The following PDE6C variants were observed in gnomAD, a reference collection of about 807,000 sequenced individuals.
PDE6C encodes cone cGMP-specific 3',5'-cyclic phosphodiesterase subunit alpha'.
In PDE6C, 75 loss-of-function variants were observed where a neutral mutation model predicts 113.1. The observed-to-expected ratio is 0.66, with a 90% CI of 0.55 to 0.80. PDE6C has a LOEUF of 0.80. PDE6C is among the 30% of genes least tolerant of loss of function. The probability of loss-of-function intolerance (pLI) is 0.00; values close to 1 mark genes in which losing one functional copy is unlikely to be tolerated. For synonymous variants in PDE6C, 375 were observed against 363.7 expected, an observed-to-expected ratio of 1.03 and a Z score of -0.35; for missense variants, 912 against 1,038.6, an observed-to-expected ratio of 0.88 and a Z score of 1.67.
chr10:93,663,247 C>T (rs1564807026), intron 21 of PDE6C, 69 bp downstream of exon 21: 2 of 1,471,846 alleles, frequency 1.4e-6, no homozygotes, highest in African/African-American at 1.4e-5. Context: ...TGGCATGTGA[C>T]AAAGCCATAA....
intron 11 of PDE6C, among the ~76,000 whole-genome samples, chr10:93,638,190 G>C (rs756899023): frequency 6.6e-6 from 1 of 152,062 alleles, no homozygotes; most frequent in Non-Finnish European, 1.5e-5. Context: ...ATCTCTTTCC[G>C]ATCTGTGATG....
rs753107766 is a variant in PDE6C at position 93,620,851 on chromosome 10, G to T, written c.634-40G>T. The T allele has an allele frequency of 4.3e-6, 7 of 1,613,144 alleles. No individual in the cohort carries two copies. The Admixed American group carries it at 1.2e-4, about 27-fold the overall frequency. On this transcript the variant is annotated intron_variant, in intron 2 of 21. Coordinates refer to ENST00000371447, the MANE Select transcript of PDE6C (RefSeq NM_006204.4). ...TTATTTGTTGTATAACCAAAGAAAA[G>T]ATGTCACAACCATAACTTGTTATTC... is the stretch of plus-strand genomic sequence containing the variant.
intron 8 of PDE6C, among the ~76,000 whole-genome samples, chr10:93,633,458 C>G (rs974076114): frequency 2.4e-4 from 26 of 108,016 alleles, no homozygotes; most frequent in Non-Finnish European, 2.2e-4. Flanking sequence ...ACAGTGAGAC[C>G]CTGTCTCAAA....
chr10:93,646,810 T>C lies in PDE6C; in HGVS notation c.1935+763T>C, dbSNP rs554703218. On this transcript the variant is annotated intron_variant, in intron 15 of 21. Transcript: ENST00000371447. ...CTCCCACCAGGACCCACTTCCAACA[T>C]TGGGGATTACAACTGAACATGGGGT... is the stretch of plus-strand genomic sequence containing the variant. 3.9e-5 allele frequency among the ~76,000 whole-genome samples: 6 copies of C among 152,174 alleles called. No individual in the cohort carries two copies. The East Asian group carries it at 5.8e-4, about 15-fold the overall frequency.
intron 16 of PDE6C, among the ~76,000 whole-genome samples, chr10:93,658,238 TACC>T (rs1324945260): frequency 2.8e-5 from 3 of 108,066 alleles, no homozygotes; most frequent in East Asian, 2.7e-4. Flanking sequence ...AAAAGAAAAA[TACC>T]ACATCTGAAG....
In PDE6C at chr10:93,635,488, C is replaced by T. The variant is rs11187564; in HGVS notation, c.1270-9C>T. On this transcript the variant is annotated splice_polypyrimidine_tract_variant and intron_variant, in intron 9 of 21. Coordinates refer to ENST00000371447, the MANE Select transcript of PDE6C (RefSeq NM_006204.4). ...GAAGAGAATTAGAATCACCTTTTATCCATTTCAGACTCTCACACAATTTCT... is the reference window on the plus strand; with the variant it reads ...GAAGAGAATTAGAATCACCTTTTATTCATTTCAGACTCTCACACAATTTCT... 108,094 of 1,606,120 alleles carry T rather than the reference C, an allele frequency of 0.067. 3,952 individuals carry two copies. Among genetic ancestry groups the T allele is most frequent in the Non-Finnish European group, 0.072 (84,681 of 1,172,878 alleles).
intron 15 of PDE6C, among the ~76,000 whole-genome samples, chr10:93,653,837 A>G (rs2133873884): frequency 6.6e-6 from 1 of 152,270 alleles, no homozygotes; most frequent in Admixed American, 6.5e-5. Context: ...TTTCCCTTCT[A>G]TTACTTATAT....
Position 93,625,673 on chromosome 10 carries a change from T to G in PDE6C, c.939+24T>G, listed in dbSNP as rs758212800. 4 of 1,511,108 alleles carry G rather than the reference T, an allele frequency of 2.6e-6. No individual in the cohort carries two copies. In the South Asian group the frequency reaches 4.5e-5, roughly 17 times the overall value. The allele number at this position is 1,511,108 out of a possible 1,614,324, so 93.6% of individuals were successfully genotyped here. Reference sequence around the variant, plus strand: ...GGGTACGTGCAAATGTCTTCCTTGATGCCATCTGTGCATGGTGTCAGGTGC... The same window carrying G: ...GGGTACGTGCAAATGTCTTCCTTGAGGCCATCTGTGCATGGTGTCAGGTGC... On this transcript the variant is annotated intron_variant, in intron 5 of 21. Coordinates refer to ENST00000371447, the MANE Select transcript of PDE6C (RefSeq NM_006204.4).
chr10:93,662,835 G>T (rs898375684), intron 20 of PDE6C, among the ~76,000 whole-genome samples, 192 bp downstream of exon 20: 5 of 152,206 alleles, frequency 3.3e-5, no homozygotes, highest in African/African-American at 1.2e-4. Flanking sequence ...AGATGTGAGC[G>T]AACTGAACAC....
At chr10:93,630,217 G>A (rs192502500) in intron 8 of PDE6C, among the ~76,000 whole-genome samples, 7 of 152,078 alleles carry the variant, frequency 4.6e-5, no homozygotes, top group Admixed American at 3.9e-4. Flanking sequence ...TCCACTCACC[G>A]CCAGATGCTC....
At chr10:93,615,404 G>A (rs934008777) in intron 1 of PDE6C, among the ~76,000 whole-genome samples, 2 of 152,148 alleles carry the variant, frequency 1.3e-5, no homozygotes, top group Admixed American at 6.5e-5. Context: ...TTATTTTTGA[G>A]ACAGTCTTGC....
Position 93,637,018 on chromosome 10 carries a change from T to C in PDE6C, c.1437T>C (p.Val479=). 1 of 1,602,432 alleles carries C rather than the reference T, an allele frequency of 6.2e-7. No homozygotes were observed. ...AGAAATTTCAAGAGAAGTTAAATGT[T>C]GATGTAATTGACGACTGTGAAGAAA... is the stretch of plus-strand genomic sequence containing the variant. The part of the protein sequence containing the change: ...SILKFQEKLN[V]DVIDDCEEKQ... Residue 479 remains valine, a synonymous_variant, in exon 11 of 22, where the codon GTT becomes GTC. Transcript: ENST00000371447.
At chr10:93,655,661 GT>G in intron 15 of PDE6C, 98 bp from the exon 16 acceptor site, 1 of 435,696 alleles carries the variant, frequency 2.3e-6, no homozygotes, top group Non-Finnish European at 4.3e-6. Context: ...AAACAAAAAA[GT>G]GTTGAAAGAC....
rs763089517 is a variant in PDE6C, at chr10:93,629,283, C to A, written c.1097C>A (p.Ala366Glu). ...GFICNMMNAP[A>E]DEYFTFQKGP... ...ATCTGTAACATGATGAATGCCCCTG[C>A]GGATGAATACTTCACATTTCAGGTA... Residue 366 changes from alanine (A) to glutamate (E), a missense_variant, in exon 8 of 22, where the codon GCG becomes GAG. Transcript: ENST00000371447. 20 of 1,611,410 alleles carry A rather than the reference C, an allele frequency of 1.2e-5. No homozygotes were observed. Among genetic ancestry groups the A allele is most frequent in the Non-Finnish European group, 1.7e-5 (20 of 1,177,606 alleles).
rs71485913 is a variant in PDE6C, at chr10:93,633,490, A to AAAAAAT, written c.1120-1268_1120-1267insAAAAAT. On this transcript the variant is annotated intron_variant, in intron 8 of 21. Transcript: ENST00000371447. ...CAAAAAAAAAAAAAAATAAAAAAAA[A>AAAAAAT]TAAACAAGCTAAAACAAATCTGTTA... Among the ~76,000 whole-genome samples the AAAAAAT allele has an allele frequency of 7.3e-3, 938 of 129,216 alleles. 52 individuals are homozygous for AAAAAAT. Among genetic ancestry groups the AAAAAAT allele is most frequent in the African/African-American group, 0.022 (798 of 36,946 alleles). 84.8% of individuals were successfully genotyped at this position (129,216 alleles called of 152,430 possible).
At chr10:93,645,286 A>T (rs1447289320) in intron 14 of PDE6C, among the ~76,000 whole-genome samples, 1 of 152,186 alleles carries the variant, frequency 6.6e-6, no homozygotes, top group African/African-American at 2.4e-5. Context: ...CCTGGCAATG[A>T]CCTCTCCCAG....
At position 93,665,612 on chromosome 10, in the gene PDE6C, A is replaced by G. The variant is rs2058686579; in HGVS notation, c.*194A>G. ...AAGTTCAACAAAAGTGCAAAATATG[A>G]CAAAAATAGGTACATTTTTGGTGCC... On this transcript the variant is annotated 3_prime_UTR_variant, in exon 22 of 22. Coordinates refer to ENST00000371447, the MANE Select transcript of PDE6C (RefSeq NM_006204.4). The G allele has an allele frequency of 3.5e-6, 2 of 579,410 alleles. No homozygotes were observed. Among genetic ancestry groups the G allele is most frequent in the South Asian group, 2.1e-5 (1 of 47,760 alleles). 35.9% of individuals were successfully genotyped at this position (579,410 alleles called of 1,614,324 possible).
In PDE6C at chr10:93,631,749, T is replaced by C. The variant is rs1272383143; in HGVS notation, c.1119+2444T>C. ...GCCCCACCCTGATTCTTACGATTCC[T>C]TTTTGCACCTGAGAAGTTTGATAGA... On this transcript the variant is annotated intron_variant, in intron 8 of 21. Transcript: ENST00000371447. Among the ~76,000 whole-genome samples the C allele has an allele frequency of 4.6e-5, 7 of 152,322 alleles. 1 individual carries two copies. The East Asian group carries it at 9.7e-4, about 21-fold the overall frequency.
Position 93,640,677 on chromosome 10 carries a change from T to C in PDE6C, c.1737+120T>C, listed in dbSNP as rs533042652. On this transcript the variant is annotated intron_variant, in intron 13 of 21. Coordinates refer to ENST00000371447, the MANE Select transcript of PDE6C (RefSeq NM_006204.4). ...TTTAAAAATTCAGGGCACAAACCCC[T>C]CTCCGCTGCAGATGAGTCCCAGTAT... 85 of 797,768 alleles carry C rather than the reference T, an allele frequency of 1.1e-4. 1 individual carries two copies. In the South Asian group the frequency reaches 1.1e-3, roughly 11 times the overall value. 49.4% of individuals were successfully genotyped at this position (797,768 alleles called of 1,614,324 possible).
Sources: allele counts gnomAD v4.1 joint callset (sites outside exome capture counted in the v4.1 genomes callset), GRCh38; gene constraint gnomAD v4.1.1; transcripts MANE v1.5; gene names NCBI Gene and HGNC (gene_info 2026-07-23, HGNC 2026-07-21).